The following SASS6 variants were observed in gnomAD, a reference collection of about 807,000 sequenced individuals.
SASS6 encodes the protein spindle assembly abnormal protein 6 homolog.
SASS6 carries 59 observed loss-of-function variants against 94.9 expected under a neutral mutation model. That is an observed-to-expected ratio of 0.62 (90% CI 0.50 to 0.77). The LOEUF is 0.77. Among genes scored for constraint, SASS6 ranks in the 30% least tolerant of loss-of-function variants. The pLI is 0.00. For synonymous variants in SASS6, 264 were observed against 270.0 expected (o/e 0.98, Z 0.22); for missense variants, 698 against 734.1 (o/e 0.95, Z 0.57).
chr1:100,109,118 A>C (rs1012298338), intron 8 of SASS6, among the ~76,000 whole-genome samples: 12 of 152,050 alleles, frequency 7.9e-5, no homozygotes, highest in African/African-American at 2.4e-4. Flanking sequence ...AGAATAATGA[A>C]ATCAGAGCAT....
Position 100,085,175 on chromosome 1 carries a change from A to C in SASS6, c.*153T>G. 1.7e-6 allele frequency: 1 copy of C among 599,926 alleles called. No individual in the cohort carries two copies. The highest frequency in any genetic ancestry group is 4.5e-4 in the Middle Eastern group (1 of 2,216). 37.2% of individuals were successfully genotyped at this position (599,926 alleles called of 1,614,324 possible). A position where few individuals can be genotyped will look rare whatever the true frequency, so the allele number is the denominator to read the frequency against. On this transcript the variant is annotated 3_prime_UTR_variant, in exon 17 of 17. Transcript: ENST00000287482. ...AAGTACAAATTTGTTCCTATATTAT[A>C]AACTGCCATAAAAGCAGTACTTAAA...
intron 15 of SASS6, among the ~76,000 whole-genome samples, chr1:100,085,904 A>G (rs905475877): frequency 3.9e-5 from 6 of 152,194 alleles, no homozygotes; most frequent in African/African-American, 1.4e-4. Context: ...ATAAAAATTT[A>G]AATACTAGCA....
At chr1:100,097,671 C>T (rs1014337749) in intron 14 of SASS6, among the ~76,000 whole-genome samples, 1 of 151,500 alleles carries the variant, frequency 6.6e-6, no homozygotes, top group Non-Finnish European at 1.5e-5. Context: ...CAAAAAAATG[C>T]AAAAAAAGGT....
At chr1:100,104,957 G>A (rs1245620106) in intron 13 of SASS6, among the ~76,000 whole-genome samples, 1 of 151,580 alleles carries the variant, frequency 6.6e-6, no homozygotes, top group Non-Finnish European at 1.5e-5. Flanking sequence ...TGTCTCAAAA[G>A]AGAAAAAAAT....
At chr1:100,118,813 GT>G (rs1180011823) in intron 7 of SASS6, among the ~76,000 whole-genome samples, 8 of 151,798 alleles carry the variant, frequency 5.3e-5, no homozygotes, top group African/African-American at 1.9e-4. Context: ...TTACATATAC[GT>G]AGAGAAAAGT....
At chr1:100,091,019 T>C (rs1278307202) in intron 14 of SASS6, among the ~76,000 whole-genome samples, 2 of 152,038 alleles carry the variant, frequency 1.3e-5, no homozygotes, top group African/African-American at 2.4e-5. Context: ...AAATTTGAAC[T>C]GACAGCCAGG....
chr1:100,125,942 C>T lies in SASS6; in HGVS notation c.66G>A (p.Arg22=), dbSNP rs574747233. 4.7e-5 allele frequency: 71 copies of T among 1,502,236 alleles called. 2 individuals carry two copies. In the South Asian group the frequency reaches 8.2e-4, roughly 17 times the overall value. The allele number at this position is 1,502,236 out of a possible 1,614,324, so 93.1% of individuals were successfully genotyped here. A position where few individuals can be genotyped will look rare whatever the true frequency, so the allele number is the denominator to read the frequency against. Residue 22 remains arginine, a splice_region_variant and synonymous_variant, in exon 2 of 17, where the codon AGG becomes AGA. Coordinates refer to ENST00000287482, the MANE Select transcript of SASS6 (RefSeq NM_194292.3). ...LQVKCKDCEE[R]RVSIRMSIEL... is the part of the protein sequence containing the mutation. ...CAATGCTCATTCTTATACTTACTCT[C>T]CTGTAGGAAAAGACATACCCAACCA... is the stretch of plus-strand genomic sequence containing the variant.
chr1:100,087,195 T>C (rs1301663600), intron 15 of SASS6, among the ~76,000 whole-genome samples: 1 of 151,268 alleles, frequency 6.6e-6, no homozygotes, highest in African/African-American at 2.5e-5. Flanking sequence ...TTGGCCAGGC[T>C]GGTCTTGGAA....
In SASS6 at chr1:100,085,623, T is replaced by C; in HGVS notation, c.1780A>G (p.Asn594Asp). The change falls in exon 16 of 17, where the codon AAT becomes GAT. Residue 594 changes from asparagine to aspartate, a missense_variant. Transcript: ENST00000287482. ...PCSTDKENGE[N>D]VGLESKYLKK... The stretch of plus-strand genomic sequence containing the variant: ...AGGTATTTGGATTCCAACCCTACAT[T>C]TTCACCACTTAAAAAGAAAATGGTA... The C allele has an allele frequency of 1.3e-6, 2 of 1,598,858 alleles. No individual in the cohort carries two copies. The highest frequency in any genetic ancestry group is 8.6e-7 in the Non-Finnish European group (1 of 1,168,488).
intron 7 of SASS6, among the ~76,000 whole-genome samples, chr1:100,117,676 CA>C (rs1316937328): frequency 1.4e-5 from 2 of 146,752 alleles, no homozygotes; most frequent in Non-Finnish European, 3.0e-5. Flanking sequence ...AAAAAAAAAA[CA>C]ACCACACAGA....
intron 14 of SASS6, among the ~76,000 whole-genome samples, chr1:100,099,976 T>C (rs999817559): frequency 6.6e-6 from 1 of 152,116 alleles, no homozygotes; most frequent in East Asian, 1.9e-4. Flanking sequence ...AGATCAAGAA[T>C]GTAACCCAAG....
chr1:100,089,582 G>A (rs1050534325), intron 14 of SASS6, among the ~76,000 whole-genome samples: 2 of 151,968 alleles, frequency 1.3e-5, no homozygotes, highest in African/African-American at 4.8e-5. Flanking sequence ...TTCAATCCAG[G>A]CAACAACGGA....
chr1:100,121,079 A>C (rs2101684899), intron 5 of SASS6, among the ~76,000 whole-genome samples: 1 of 151,170 alleles, frequency 6.6e-6, no homozygotes, highest in Non-Finnish European at 1.5e-5. Flanking sequence ...AAGATGGGCT[A>C]GATAGGGTAG....
Position 100,084,533 on chromosome 1 carries a change from A to T in SASS6, c.*795T>A, listed in dbSNP as rs968746536. On this transcript the variant is annotated 3_prime_UTR_variant, in exon 17 of 17. Transcript: ENST00000287482. ...ATACTATAAAAATAAATGAATATTC[A>T]TGATATAGTAGATTTAGTAGTAGTA... The T allele has an allele frequency of 9.9e-5, 15 of 152,128 alleles. No homozygotes were observed. The highest frequency in any genetic ancestry group is 3.1e-4 in the African/African-American group (13 of 41,454). 9.4% of individuals were successfully genotyped at this position (152,128 alleles called of 1,614,324 possible).
At chr1:100,120,511 C>A in intron 5 of SASS6, 52 bp from the exon 6 acceptor site, 3 of 816,868 alleles carry the variant, frequency 3.7e-6, no homozygotes, top group Non-Finnish European at 6.4e-6. Context: ...TCATCTATAG[C>A]CATGCTACTC....
intron 6 of SASS6, 110 bp downstream of exon 6, chr1:100,120,284 A>G: frequency 4.8e-6 from 3 of 626,616 alleles, no homozygotes; most frequent in South Asian, 2.0e-5. Flanking sequence ...TGGAAATTCA[A>G]CGGAAGCATG....
chr1:100,101,217 C>T (rs996534056), intron 14 of SASS6, among the ~76,000 whole-genome samples: 10 of 151,942 alleles, frequency 6.6e-5, no homozygotes, highest in African/African-American at 9.7e-5. Context: ...CATCAGATTC[C>T]GCCTTCTTAA....
At chr1:100,121,570 A>G (rs755941957) in intron 4 of SASS6, 21 bp from the exon 5 acceptor site, 5 of 1,397,618 alleles carry the variant, frequency 3.6e-6, no homozygotes, top group Non-Finnish European at 5.0e-6. Context: ...AAAATGTTAC[A>G]TTATAACACA....
chr1:100,109,091 G>T (rs2101665988), intron 8 of SASS6, among the ~76,000 whole-genome samples: 1 of 152,056 alleles, frequency 6.6e-6, no homozygotes, highest in Admixed American at 6.5e-5. Context: ...TTTATATAAT[G>T]ACCAGTTCCA....
Sources: gnomAD v4.1 joint callset for allele counts (sites outside exome capture counted in the v4.1 genomes callset) on GRCh38, gnomAD v4.1.1 for gene constraint, MANE v1.5 for transcripts, NCBI Gene and HGNC (gene_info 2026-07-23, HGNC 2026-07-21) for gene names.